NCAM2: variants seen among roughly 807,000 people sequenced by gnomAD.
NCAM2 encodes neural cell adhesion molecule 2.
Under a neutral mutation model 98.1 loss-of-function variants are expected in NCAM2, and 30 were observed. That is an observed-to-expected ratio of 0.31 (90% CI 0.23 to 0.41). The LOEUF is 0.41. Among genes scored for constraint, NCAM2 ranks in the 10% least tolerant of loss-of-function variants. The probability of loss-of-function intolerance (pLI) is 1.00; values close to 1 mark genes in which losing one functional copy is unlikely to be tolerated. For missense variants in NCAM2, 867 were observed against 1,005.8 expected (o/e 0.86, Z 1.87); for synonymous variants, 368 against 342.4 (o/e 1.07, Z -0.83).
chr21:21,308,180 T>C (rs184160979), intron 5 of NCAM2, among the ~76,000 whole-genome samples: 2 of 152,206 alleles, frequency 1.3e-5, no homozygotes, highest in African/African-American at 4.8e-5. Context: ...GAAAAAAGTA[T>C]TTTATATTTA....
At chr21:21,319,346 A>ATT (rs2147770668) in intron 5 of NCAM2, among the ~76,000 whole-genome samples, 1 of 152,334 alleles carries the variant, frequency 6.6e-6, no homozygotes, top group East Asian at 1.9e-4. Context: ...TGTAATTAAT[A>ATT]AAAATAACTA....
intron 1 of NCAM2, among the ~76,000 whole-genome samples, chr21:21,244,932 T>C (rs190235225): frequency 6.6e-6 from 1 of 151,272 alleles, no homozygotes; most frequent in East Asian, 2.0e-4. Flanking sequence ...TTTTCCCAAC[T>C]GCTTCCTTGA....
At chr21:21,345,990 G>GACC (rs1490414950) in intron 8 of NCAM2, among the ~76,000 whole-genome samples, 1 of 151,900 alleles carries the variant, frequency 6.6e-6, no homozygotes, top group Admixed American at 6.6e-5. Flanking sequence ...AGGAAGAGAA[G>GACC]ACCACAGAAC....
At chr21:21,016,679 T>C (rs192106719) in intron 1 of NCAM2, among the ~76,000 whole-genome samples, 1 of 152,074 alleles carries the variant, frequency 6.6e-6, no homozygotes, top group African/African-American at 2.4e-5. Flanking sequence ...CTGGGCACTT[T>C]CCAAAAAAAA....
intron 1 of NCAM2, among the ~76,000 whole-genome samples, chr21:21,119,780 A>G (rs969431284): frequency 6.6e-6 from 1 of 152,208 alleles, no homozygotes; most frequent in Non-Finnish European, 1.5e-5. Context: ...TTTAGGAAAA[A>G]TAAGTAATTC....
chr21:21,491,688 A>G (rs1033530719), intron 15 of NCAM2, among the ~76,000 whole-genome samples: 1 of 151,702 alleles, frequency 6.6e-6, no homozygotes, highest in Non-Finnish European at 1.5e-5. Context: ...GTTCATTTTC[A>G]GGATTTTGGA....
intron 1 of NCAM2, among the ~76,000 whole-genome samples, chr21:21,268,161 G>T (rs2072356450): frequency 6.6e-6 from 1 of 152,132 alleles, no homozygotes; most frequent in African/African-American, 2.4e-5. Flanking sequence ...TGTTGCCATG[G>T]CACCATCTCA....
At chr21:21,251,845 A>T (rs5012100) in intron 1 of NCAM2, among the ~76,000 whole-genome samples, 130,931 of 151,598 alleles carry the variant, frequency 0.86, 57,873 homozygotes, top group Non-Finnish European at 0.98. Context: ...CCCATTCTGT[A>T]GGTTGCCTGT....
intron 12 of NCAM2, among the ~76,000 whole-genome samples, chr21:21,442,441 A>T (rs1979442843): frequency 6.6e-6 from 1 of 152,190 alleles, no homozygotes; most frequent in Non-Finnish European, 1.5e-5. Context: ...ATCTCAACTA[A>T]AAGTTGCCAA....
intron 1 of NCAM2, among the ~76,000 whole-genome samples, chr21:21,098,583 T>C (rs1470712303): frequency 6.6e-6 from 1 of 151,832 alleles, no homozygotes; most frequent in Non-Finnish European, 1.5e-5. Context: ...TCTTCTCTAT[T>C]AGGGAGGTAT....
At chr21:21,481,023 A>G (rs1174916508) in intron 15 of NCAM2, among the ~76,000 whole-genome samples, 1 of 152,212 alleles carries the variant, frequency 6.6e-6, no homozygotes, top group Admixed American at 6.5e-5. Flanking sequence ...GAAGATAACC[A>G]TGGCTTGGAA....
chr21:21,030,325 C>G (rs2064652248), intron 1 of NCAM2, among the ~76,000 whole-genome samples: 1 of 152,168 alleles, frequency 6.6e-6, no homozygotes. Context: ...AGGTCCTTGA[C>G]TACCACGATA....
At chr21:21,157,402 A>G (rs1221614725) in intron 1 of NCAM2, among the ~76,000 whole-genome samples, 2 of 152,128 alleles carry the variant, frequency 1.3e-5, no homozygotes, top group Admixed American at 6.6e-5. Context: ...CAGTCACTCT[A>G]TGCATTAATG....
intron 5 of NCAM2, among the ~76,000 whole-genome samples, chr21:21,323,765 C>A (rs1470719212): frequency 1.3e-5 from 2 of 152,154 alleles, no homozygotes; most frequent in Non-Finnish European, 1.5e-5. Context: ...TTTCCATTCT[C>A]TGTATGGCTT....
intron 14 of NCAM2, among the ~76,000 whole-genome samples, chr21:21,470,654 A>G (rs538081090): frequency 6.6e-6 from 1 of 152,142 alleles, no homozygotes; most frequent in East Asian, 1.9e-4. Flanking sequence ...TACCACGCCA[A>G]TAAAAGTATG....
intron 1 of NCAM2, among the ~76,000 whole-genome samples, chr21:21,105,606 A>G (rs1356859004): frequency 6.6e-6 from 1 of 152,208 alleles, no homozygotes; most frequent in Non-Finnish European, 1.5e-5. Flanking sequence ...AAGATGCTCA[A>G]TTTCATTAGT....
intron 9 of NCAM2, among the ~76,000 whole-genome samples, chr21:21,390,106 C>A (rs944727039): frequency 1.7e-4 from 26 of 152,152 alleles, no homozygotes; most frequent in African/African-American, 6.3e-4. Flanking sequence ...CCTCGGCCTC[C>A]CAAAGTGCTG....
intron 9 of NCAM2, among the ~76,000 whole-genome samples, chr21:21,404,941 T>C (rs2076709592): frequency 6.6e-6 from 1 of 151,770 alleles, no homozygotes; most frequent in African/African-American, 2.4e-5. Flanking sequence ...AGGGTTTTTA[T>C]TTTCATTTTT....
chr21:21,030,028 C>A (rs1255692030), intron 1 of NCAM2, among the ~76,000 whole-genome samples: 1 of 152,158 alleles, frequency 6.6e-6, no homozygotes, highest in Non-Finnish European at 1.5e-5. Context: ...ATATTACATT[C>A]TTATAATTAT....
Sources: allele counts gnomAD v4.1 joint callset (sites outside exome capture counted in the v4.1 genomes callset), GRCh38; gene constraint gnomAD v4.1.1; transcripts MANE v1.5; gene names NCBI Gene and HGNC (gene_info 2026-07-23, HGNC 2026-07-21).